CCDC171: variants seen among roughly 807,000 people sequenced by gnomAD.
CCDC171 encodes the protein coiled-coil domain-containing protein 171.
CCDC171 carries 177 observed loss-of-function variants against 168.2 expected under a neutral mutation model. That is an observed-to-expected ratio of 1.05 (90% confidence interval 0.93 to 1.19). The LOEUF (loss-of-function observed/expected upper bound fraction) is 1.19, where lower values mean the gene tolerates loss of function less well. Ranked by LOEUF, CCDC171 falls within the 50% of genes most tolerant of loss-of-function variation. The pLI, the probability that CCDC171 is intolerant of heterozygous loss-of-function variation, is 0.00. For synonymous variants in CCDC171, 687 were observed against 540.8 expected (o/e 1.27, Z -3.75); for missense variants, 1,991 against 1,539.0 (o/e 1.29, Z -4.91).
intron 2 of CCDC171, among the ~76,000 whole-genome samples, chr9:15,564,954 A>G (rs370923641): frequency 3.9e-5 from 6 of 152,222 alleles, no homozygotes; most frequent in African/African-American, 1.4e-4. Context: ...CCTTCCTCAT[A>G]TTTAGTTTGA....
At chr9:15,717,285 T>C (rs1374478516) in intron 11 of CCDC171, among the ~76,000 whole-genome samples, 1 of 152,186 alleles carries the variant, frequency 6.6e-6, no homozygotes, top group African/African-American at 2.4e-5. Flanking sequence ...AGGGAACATT[T>C]AGACTAGTCC....
At chr9:15,557,990 G>A (rs556375255) in intron 1 of CCDC171, among the ~76,000 whole-genome samples, 3 of 152,244 alleles carry the variant, frequency 2.0e-5, no homozygotes, top group African/African-American at 7.2e-5. Flanking sequence ...CATCTATTGA[G>A]ATAATCATGT....
intron 25 of CCDC171, among the ~76,000 whole-genome samples, chr9:15,970,363 G>T: frequency 1.3e-5 from 2 of 150,708 alleles, no homozygotes; most frequent in African/African-American, 4.9e-5. Flanking sequence ...ACATTATTTT[G>T]TTATCAAAAC....
intron 7 of CCDC171, among the ~76,000 whole-genome samples, chr9:15,634,572 T>C (rs370983773): frequency 8.5e-4 from 130 of 152,324 alleles, no homozygotes; most frequent in African/African-American, 2.8e-3. Context: ...GTAGGGTATT[T>C]GTTTGGCTAC....
intron 21 of CCDC171, among the ~76,000 whole-genome samples, chr9:15,837,680 G>T (rs959565117): frequency 1.3e-5 from 2 of 152,078 alleles, no homozygotes; most frequent in Non-Finnish European, 2.9e-5. Flanking sequence ...ATTTAGTTGT[G>T]AGCCTTCATC....
chr9:15,829,826 G>A (rs1006809588), intron 21 of CCDC171, among the ~76,000 whole-genome samples: 2 of 152,058 alleles, frequency 1.3e-5, no homozygotes, highest in Admixed American at 6.5e-5. Context: ...AAACGGAGGC[G>A]GGAGGATCAC....
chr9:15,647,358 A>T (rs1255576087), intron 7 of CCDC171, among the ~76,000 whole-genome samples: 2 of 152,220 alleles, frequency 1.3e-5, no homozygotes, highest in African/African-American at 4.8e-5. Flanking sequence ...AAGCAAGAGC[A>T]AACACATTCA....
intron 21 of CCDC171, among the ~76,000 whole-genome samples, chr9:15,830,803 A>C (rs575489242): frequency 6.6e-6 from 1 of 152,262 alleles, no homozygotes; most frequent in South Asian, 2.1e-4. Flanking sequence ...TTAGAATCTT[A>C]ATTGCTTAAG....
At chr9:15,600,604 G>A (rs895740954) in intron 6 of CCDC171, among the ~76,000 whole-genome samples, 3 of 152,216 alleles carry the variant, frequency 2.0e-5, no homozygotes, top group African/African-American at 4.8e-5. Context: ...TGAGGATGCA[G>A]TCTGTCTGTT....
At chr9:15,582,463 A>G (rs934991390) in intron 4 of CCDC171, among the ~76,000 whole-genome samples, 3 of 152,228 alleles carry the variant, frequency 2.0e-5, no homozygotes, top group Non-Finnish European at 4.4e-5. Context: ...TCATGCTGCT[A>G]TAAAGACACA....
intron 3 of CCDC171, 135 bp downstream of exon 3, chr9:15,571,894 A>T (rs2040252450): frequency 2.8e-6 from 2 of 709,450 alleles, no homozygotes; most frequent in South Asian, 2.2e-5. Flanking sequence ...GTAATAAAGG[A>T]AACATAATTT....
rs143457677 is a variant in CCDC171 at position 15,792,107 on chromosome 9, C to G, written c.3267+7413C>G. On this transcript the variant is annotated intron_variant, in intron 21 of 25. Coordinates refer to ENST00000380701, the MANE Select transcript of CCDC171 (RefSeq NM_173550.4). ...TTAGACGAATGGCTAACTAGAATAA[C>G]CAATGCAGAGAAGTCCTTAAATGAC... Among the ~76,000 whole-genome samples the G allele has an allele frequency of 1.0e-3, 158 of 152,302 alleles. 4 individuals are homozygous for G. In the East Asian group the frequency reaches 0.029, roughly 28 times the overall value.
At chr9:16,087,454 T>A in the CCDC171 span, among the ~76,000 whole-genome samples, 2 of 152,196 alleles carry the variant, frequency 1.3e-5, no homozygotes, top group Non-Finnish European at 2.9e-5. Context: ...TAGCTCTTCT[T>A]GTTGCATTGA....
the CCDC171 span, among the ~76,000 whole-genome samples, chr9:16,096,535 G>A: frequency 2.0e-5 from 3 of 152,174 alleles, no homozygotes; most frequent in East Asian, 1.9e-4. Context: ...TTATCCTGCC[G>A]TGTGTCCTGG....
At chr9:15,609,926 TA>T (rs1438562232) in intron 6 of CCDC171, among the ~76,000 whole-genome samples, 1 of 152,190 alleles carries the variant, frequency 6.6e-6, no homozygotes, top group African/African-American at 2.4e-5. Flanking sequence ...CATTTTGACA[TA>T]AAGTTGACAT....
chr9:15,868,092 G>A (rs2061867488), intron 23 of CCDC171, among the ~76,000 whole-genome samples: 1 of 151,902 alleles, frequency 6.6e-6, no homozygotes, highest in Non-Finnish European at 1.5e-5. Context: ...TCTGTAATTG[G>A]GATGTAACTA....
the CCDC171 span, among the ~76,000 whole-genome samples, chr9:16,097,891 C>G: frequency 3.3e-5 from 5 of 152,176 alleles, no homozygotes; most frequent in Admixed American, 3.3e-4. Context: ...TGCATTTCTG[C>G]CTTCTTTGCA....
At chr9:15,777,455 T>C (rs1195486686) in intron 18 of CCDC171, 145 bp from the exon 19 acceptor site, 3 of 520,792 alleles carry the variant, frequency 5.8e-6, no homozygotes, top group Admixed American at 3.7e-5. Context: ...GTGAAAATAA[T>C]GTGGGAAGGA....
the CCDC171 span, among the ~76,000 whole-genome samples, chr9:16,091,728 G>A: frequency 6.6e-6 from 1 of 152,320 alleles, no homozygotes; most frequent in Middle Eastern, 3.4e-3. Flanking sequence ...AGTGCCTGGA[G>A]TCTACCTCCA....
Sources: allele counts gnomAD v4.1 joint callset (sites outside exome capture counted in the v4.1 genomes callset), GRCh38; gene constraint gnomAD v4.1.1; transcripts MANE v1.5; gene names NCBI Gene and HGNC (gene_info 2026-07-23, HGNC 2026-07-21).